The following PCDH11X variants were observed in gnomAD, a reference collection of about 807,000 sequenced individuals.
PCDH11X encodes protocadherin-11 X-linked.
PCDH11X carries 18 observed loss-of-function variants against 53.3 expected under a neutral mutation model. That is an observed-to-expected ratio of 0.34 (90% CI 0.23 to 0.50). The LOEUF (loss-of-function observed/expected upper bound fraction) is 0.50, where lower values mean the gene tolerates loss of function less well. Ranked by LOEUF, PCDH11X falls within the 20% of genes least tolerant of loss-of-function variation. PCDH11X has a pLI of 0.98. For synonymous variants in PCDH11X, 279 were observed against 393.3 expected, an observed-to-expected ratio of 0.71 and a Z score of 3.44; for missense variants, 570 against 1,032.4, an observed-to-expected ratio of 0.55 and a Z score of 6.14.
intron 6 of PCDH11X, among the ~76,000 whole-genome samples, chrX:91,987,808 G>T (rs1427799795): frequency 1.8e-5 from 2 of 108,668 alleles, no homozygotes; most frequent in African/African-American, 6.7e-5. Flanking sequence ...TTGTGTTAAG[G>T]TTCATTTTGA....
chrX:92,018,561 C>G (rs191366310), intron 6 of PCDH11X, among the ~76,000 whole-genome samples: 2 of 112,038 alleles, frequency 1.8e-5, no homozygotes, highest in South Asian at 3.7e-4. Flanking sequence ...CTCAGGACAG[C>G]TATCTGGAAA....
chrX:92,093,620 A>T (rs2064084156), intron 6 of PCDH11X, among the ~76,000 whole-genome samples: 1 of 111,601 alleles, frequency 9.0e-6, no homozygotes, highest in South Asian at 3.8e-4. Flanking sequence ...TTTTATACCT[A>T]ATCACTGTTC....
In PCDH11X at chrX:92,214,860, G is replaced by A. The variant is rs764723187; in HGVS notation, c.3114+13405G>A. Among the ~76,000 whole-genome samples the A allele has an allele frequency of 6.3e-5, 7 of 110,893 alleles. No individual in the cohort carries two copies. The South Asian group carries it at 2.7e-3, about 43-fold the overall frequency. Reference sequence around the variant, plus strand: ...ACCCAAGAGTTTGAGACCAGCATGGGCAGCACAGCGAAACCTCTTTACTAC... The same window carrying A: ...ACCCAAGAGTTTGAGACCAGCATGGACAGCACAGCGAAACCTCTTTACTAC... On this transcript the variant is annotated intron_variant, in intron 7 of 10. Coordinates refer to ENST00000682573, the MANE Select transcript of PCDH11X (RefSeq NM_032968.5).
chrX:92,045,233 T>A (rs1169931622), intron 6 of PCDH11X, among the ~76,000 whole-genome samples: 1 of 107,244 alleles, frequency 9.3e-6, no homozygotes. Flanking sequence ...CTTAGGGAGC[T>A]TGTAGTCAAA....
At chrX:92,366,085 A>G (rs1449532307) in intron 8 of PCDH11X, among the ~76,000 whole-genome samples, 1 of 109,701 alleles carries the variant, frequency 9.1e-6, no homozygotes, top group Non-Finnish European at 1.9e-5. Flanking sequence ...TACCTCTGGG[A>G]GAATTCGGCT....
At chrX:91,951,010 G>A (rs1238373667) in intron 6 of PCDH11X, among the ~76,000 whole-genome samples, 1 of 110,993 alleles carries the variant, frequency 9.0e-6, no homozygotes, top group African/African-American at 3.3e-5. Flanking sequence ...ATGAGAACTA[G>A]ACATTTTTGT....
intron 8 of PCDH11X, among the ~76,000 whole-genome samples, chrX:92,325,174 A>G (rs2069300803): frequency 9.0e-6 from 1 of 110,763 alleles, no homozygotes; most frequent in African/African-American, 3.3e-5. Context: ...AGAAGGATAG[A>G]AACTGAACAA....
In PCDH11X at chrX:91,962,435, G is replaced by T. The variant is rs753312301; in HGVS notation, c.3033+83162G>T. On this transcript the variant is annotated intron_variant, in intron 6 of 10. Coordinates refer to ENST00000682573, the MANE Select transcript of PCDH11X (RefSeq NM_032968.5). ...TGAATCCAAGTCTCACATACAAGGT[G>T]TGCTGATGCAAGAGGTGAGCTCTCA... 2.7e-3 allele frequency among the ~76,000 whole-genome samples: 303 copies of T among 112,735 alleles called. 3 individuals are homozygous for T. Among genetic ancestry groups the T allele is most frequent in the Non-Finnish European group, 4.3e-3 (231 of 53,341 alleles).
chrX:91,823,720 A>G (rs969965928), intron 4 of PCDH11X, among the ~76,000 whole-genome samples: 38 of 111,000 alleles, frequency 3.4e-4, no homozygotes, highest in African/African-American at 1.2e-3. Context: ...TGTCATTATG[A>G]TGTTAGCTGG....
At chrX:92,271,667 T>G (rs2067962704) in intron 8 of PCDH11X, among the ~76,000 whole-genome samples, 1 of 112,206 alleles carries the variant, frequency 8.9e-6, no homozygotes, top group Non-Finnish European at 1.9e-5. Flanking sequence ...GTTCCCTGAT[T>G]CCAGATCCTA....
At chrX:91,969,230 A>T (rs1342855655) in intron 6 of PCDH11X, among the ~76,000 whole-genome samples, 1 of 110,139 alleles carries the variant, frequency 9.1e-6, no homozygotes, top group East Asian at 2.9e-4. Context: ...GCTTAATTAT[A>T]TGAGCATTTG....
chrX:92,298,600 G>A (rs2068657384), intron 8 of PCDH11X, among the ~76,000 whole-genome samples: 1 of 111,511 alleles, frequency 9.0e-6, no homozygotes. Context: ...TTTGCATGAA[G>A]TTTTCTTTTT....
intron 6 of PCDH11X, among the ~76,000 whole-genome samples, chrX:91,942,505 A>G (rs1276912243): frequency 9.1e-6 from 1 of 110,494 alleles, no homozygotes; most frequent in East Asian, 2.9e-4. Context: ...AAAGTTCACT[A>G]AAGGAGAAAT....
chrX:92,216,558 G>A (rs1217198382), intron 7 of PCDH11X, among the ~76,000 whole-genome samples: 37 of 106,483 alleles, frequency 3.5e-4, no homozygotes, highest in Non-Finnish European at 5.4e-4. Flanking sequence ...TATGTGAAAA[G>A]ACCAAATCTA....
At chrX:92,305,042 A>G (rs1221997955) in intron 8 of PCDH11X, among the ~76,000 whole-genome samples, 1 of 111,343 alleles carries the variant, frequency 9.0e-6, no homozygotes, top group East Asian at 2.8e-4. Flanking sequence ...TTACACTCAC[A>G]TCTGTCTACC....
chrX:92,285,688 A>G (rs917362016), intron 8 of PCDH11X, among the ~76,000 whole-genome samples: 1 of 110,892 alleles, frequency 9.0e-6, no homozygotes, highest in African/African-American at 3.3e-5. Context: ...TTCTGTGCAT[A>G]TATAAGGAAT....
chrX:92,130,797 T>G (rs2064958605), intron 6 of PCDH11X, among the ~76,000 whole-genome samples: 1 of 111,457 alleles, frequency 9.0e-6, no homozygotes, highest in African/African-American at 3.3e-5. Flanking sequence ...GTGATAAGAA[T>G]ATATAATTTT....
chrX:92,312,691 C>T (rs770890585), intron 8 of PCDH11X, among the ~76,000 whole-genome samples: 1 of 111,557 alleles, frequency 9.0e-6, no homozygotes, highest in Admixed American at 9.6e-5. Flanking sequence ...TTATTTTTAC[C>T]AGCCACAAAT....
intron 10 of PCDH11X, among the ~76,000 whole-genome samples, chrX:92,573,112 G>A (rs1019502444): frequency 1.8e-5 from 2 of 111,125 alleles, no homozygotes; most frequent in African/African-American, 6.5e-5. Flanking sequence ...AGAGCAAATG[G>A]TAGTTAGACA....
Sources: gnomAD v4.1 joint callset for allele counts (sites outside exome capture counted in the v4.1 genomes callset) on GRCh38, gnomAD v4.1.1 for gene constraint, MANE v1.5 for transcripts, NCBI Gene and HGNC (gene_info 2026-07-23, HGNC 2026-07-21) for gene names.